The following KATNAL2 variants were observed in gnomAD, a reference collection of about 807,000 sequenced individuals.
The protein encoded by KATNAL2 is katanin p60 ATPase-containing subunit A-like 2.
In KATNAL2, 52 loss-of-function variants were observed where a neutral mutation model predicts 76.3. The ratio of observed to expected loss-of-function variants is 0.68; its 90% confidence interval spans 0.55 to 0.86. The LOEUF (loss-of-function observed/expected upper bound fraction) is 0.86. Ranked by LOEUF, KATNAL2 falls within the 40% of genes least tolerant of loss-of-function variation. The probability of loss-of-function intolerance (pLI) is 0.00; values close to 1 mark genes in which losing one functional copy is unlikely to be tolerated. For synonymous variants in KATNAL2, 243 were observed against 244.2 expected, an observed-to-expected ratio of 1.00 and a Z score of 0.05; for missense variants, 660 against 668.9, an observed-to-expected ratio of 0.99 and a Z score of 0.15.
intron 2 of KATNAL2, 22 bp from the exon 3 acceptor site, chr18:46,946,832 A>T: frequency 6.5e-7 from 1 of 1,530,528 alleles, no homozygotes; most frequent in Non-Finnish European, 8.8e-7. Context: ...CCAGTAACTG[A>T]CTACTTTTCT....
chr18:47,066,694 C>T lies in KATNAL2; in HGVS notation c.727-327C>T, dbSNP rs540017496. Among the ~76,000 whole-genome samples, 9 of 151,440 alleles carry T rather than the reference C, an allele frequency of 5.9e-5. No individual in the cohort carries two copies. In the South Asian group the frequency reaches 1.7e-3, roughly 28 times the overall value. ...ATAAATCAGCATGGTTTGCTATTGA[C>T]TGAAAACAGGTAGAGTCTGTTGTTA... is the stretch of plus-strand genomic sequence containing the variant. On this transcript the variant is annotated intron_variant, in intron 10 of 17. Transcript: ENST00000683218.
At chr18:47,084,581 G>A (rs2062682320) in intron 15 of KATNAL2, 1 of 584,586 alleles carries the variant, frequency 1.7e-6, no homozygotes, top group Admixed American at 2.9e-5. Flanking sequence ...AGGTGCAGTG[G>A]CTCATGCCTG....
At chr18:47,062,875 A>G in intron 8 of KATNAL2, 97 bp from the exon 9 acceptor site, 1 of 847,016 alleles carries the variant, frequency 1.2e-6, no homozygotes, top group South Asian at 1.7e-5. Flanking sequence ...CCTATATACC[A>G]GGGTCTATAA....
chr18:47,084,401 C>G (rs1228300237), intron 15 of KATNAL2: 1 of 702,758 alleles, frequency 1.4e-6, no homozygotes. Context: ...CTTGATTGTG[C>G]CTTCACTAGA....
At chr18:47,037,837 T>C (rs1321984080) in intron 3 of KATNAL2, among the ~76,000 whole-genome samples, 3 of 145,080 alleles carry the variant, frequency 2.1e-5, no homozygotes, top group Non-Finnish European at 4.5e-5. Flanking sequence ...ACAGTCCACA[T>C]AGTAGGAAAG....
At chr18:47,031,023 C>CCT (rs2060393422) in intron 3 of KATNAL2, among the ~76,000 whole-genome samples, 1 of 39,476 alleles carries the variant, frequency 2.5e-5, no homozygotes, top group African/African-American at 6.0e-5. Context: ...CCCCCCCCCC[C>CCT]CCCCGCCCCC....
At chr18:47,064,982 A>G (rs1028821434) in intron 10 of KATNAL2, among the ~76,000 whole-genome samples, 1 of 152,228 alleles carries the variant, frequency 6.6e-6, no homozygotes, top group South Asian at 2.1e-4. Flanking sequence ...ATACCTAGGT[A>G]AATGAATCTT....
intron 6 of KATNAL2, among the ~76,000 whole-genome samples, chr18:47,055,637 A>G (rs2061450656): frequency 1.3e-5 from 2 of 152,228 alleles, no homozygotes; most frequent in African/African-American, 2.4e-5. Flanking sequence ...TTATTCTTTT[A>G]TTTATAGTTT....
chr18:47,071,662 C>T (rs1023962549), intron 13 of KATNAL2, among the ~76,000 whole-genome samples: 1 of 152,050 alleles, frequency 6.6e-6, no homozygotes, highest in Non-Finnish European at 1.5e-5. Context: ...GTGACATACT[C>T]TTGAGACAGG....
In KATNAL2 at chr18:47,043,245, A is replaced by AAAAAAAAAAT. The variant is rs376877321; in HGVS notation, c.52-3212_52-3211insAAAAAAAAAT. Among the ~76,000 whole-genome samples, 43 of 93,154 alleles carry AAAAAAAAAAT rather than the reference A, an allele frequency of 4.6e-4. 5 individuals carry two copies. Among genetic ancestry groups the AAAAAAAAAAT allele is most frequent in the East Asian group, 7.6e-4 (2 of 2,634 alleles). The allele number at this position is 93,154 out of a possible 152,430, so 61.1% of individuals were successfully genotyped here. A position where few individuals can be genotyped will look rare whatever the true frequency, so the allele number is the denominator to read the frequency against. ...CCGTTTCAAAAAAAAAAAAAAAAAA[A>AAAAAAAAAAT]GAGATCCTAAAAGCTTCCTGGGAAG... On this transcript the variant is annotated intron_variant, in intron 3 of 17. Coordinates refer to ENST00000683218, the MANE Select transcript of KATNAL2 (RefSeq NM_001387690.1).
intron 1 of KATNAL2, among the ~76,000 whole-genome samples, chr18:46,928,708 CT>C (rs143152949): frequency 0.053 from 8,128 of 152,272 alleles, 229 homozygotes; most frequent in Non-Finnish European, 0.065. Flanking sequence ...CTCCTCCCCC[CT>C]GATACGGAAC....
intron 3 of KATNAL2, chr18:47,034,339 T>C (rs751401262): frequency 5.6e-6 from 9 of 1,613,476 alleles, no homozygotes; most frequent in Non-Finnish European, 6.8e-6. Context: ...GTGACTGTGC[T>C]GAGGCCTCTT....
chr18:47,048,828 C>CTTTTTTTTTTTTT (rs35366730), intron 4 of KATNAL2, among the ~76,000 whole-genome samples: 4 of 76,722 alleles, frequency 5.2e-5, no homozygotes, highest in African/African-American at 1.1e-4. Context: ...AAGCCAGACT[C>CTTTTTTTTTTTTT]TTTTTTTTTT....
intron 15 of KATNAL2, among the ~76,000 whole-genome samples, chr18:47,090,762 G>T (rs1453970282): frequency 2.0e-5 from 3 of 152,134 alleles, no homozygotes; most frequent in African/African-American, 7.2e-5. Flanking sequence ...TAGAAACTCA[G>T]AACTAGGATG....
intron 1 of KATNAL2, among the ~76,000 whole-genome samples, chr18:46,928,434 T>C (rs1448756976): frequency 1.3e-5 from 2 of 152,144 alleles, no homozygotes; most frequent in African/African-American, 2.4e-5. Context: ...TGCCTGATCG[T>C]TCCTCTGGAA....
At chr18:47,098,478 A>C (rs1568030720) in intron 15 of KATNAL2, 1 of 162,270 alleles carries the variant, frequency 6.2e-6, no homozygotes, top group Non-Finnish European at 1.3e-5. Flanking sequence ...TGCGTGGTGG[A>C]AACTGCTCAC....
At chr18:47,033,277 C>G in intron 3 of KATNAL2, 1 of 1,613,508 alleles carries the variant, frequency 6.2e-7, no homozygotes, top group Non-Finnish European at 8.5e-7. Flanking sequence ...GTCAGCGTCT[C>G]CTGCAGACTT....
chr18:47,054,295 A>G (rs546882831), intron 5 of KATNAL2, 101 bp from the exon 6 acceptor site: 7 of 1,084,862 alleles, frequency 6.5e-6, no homozygotes, highest in Middle Eastern at 2.1e-4. Context: ...TTAAAACTCA[A>G]ATTTTAAGAA....
At position 47,062,998 on chromosome 18, in the gene KATNAL2, G is replaced by A. The variant is rs765921578; in HGVS notation, c.576G>A (p.Leu192=). 3 of 1,614,082 alleles carry A rather than the reference G, an allele frequency of 1.9e-6. No individual in the cohort carries two copies. In the East Asian group the frequency reaches 6.7e-5, roughly 36 times the overall value. Residue 192 remains leucine (L), a synonymous_variant, in exon 9 of 18, where the codon CTG becomes CTA. Transcript: ENST00000683218. ...RRGQIIDFQG[L]LTDAIKGATS... Reference sequence around the variant, plus strand: ...GCCAAATCATTGACTTCCAAGGGCTGCTCACAGATGCCATCAAGGGAGCAA... The same window carrying A: ...GCCAAATCATTGACTTCCAAGGGCTACTCACAGATGCCATCAAGGGAGCAA...
Sources: gnomAD v4.1 joint callset for allele counts (sites outside exome capture counted in the v4.1 genomes callset) on GRCh38, gnomAD v4.1.1 for gene constraint, MANE v1.5 for transcripts, NCBI Gene and HGNC (gene_info 2026-07-23, HGNC 2026-07-21) for gene names.